The following GAP43 variants were observed in gnomAD, a reference collection of about 807,000 sequenced individuals.
GAP43 encodes neuromodulin.
A neutral mutation model predicts 18.6 loss-of-function variants in GAP43; 6 were observed. The ratio of observed to expected loss-of-function variants is 0.32; its 90% CI spans 0.18 to 0.64. GAP43 has a LOEUF of 0.64. Among genes scored for constraint, GAP43 ranks in the 30% least tolerant of loss-of-function variants. The probability of loss-of-function intolerance (pLI) is 0.78; values close to 1 mark genes in which losing one functional copy is unlikely to be tolerated. For missense variants in GAP43, 292 were observed against 295.5 expected, an observed-to-expected ratio of 0.99 and a Z score of 0.09; for synonymous variants, 115 against 111.4, an observed-to-expected ratio of 1.03 and a Z score of -0.20.
At chr3:115,708,940 GTTTTTTTT>G (rs3086974) in intron 2 of GAP43, among the ~76,000 whole-genome samples, 7 of 99,790 alleles carry the variant, frequency 7.0e-5, no homozygotes, top group African/African-American at 2.9e-4. Flanking sequence ...AACTGGCTGG[GTTTTTTTT>G]TTTTTTTTTT....
chr3:115,702,502 A>G (rs1360869363), intron 2 of GAP43, among the ~76,000 whole-genome samples: 1 of 152,140 alleles, frequency 6.6e-6, no homozygotes, highest in Non-Finnish European at 1.5e-5. Flanking sequence ...TGAAGCTAAG[A>G]AAAAGGAATA....
Position 115,681,386 on chromosome 3 carries a change from T to C in GAP43, c.628+4776T>C, listed in dbSNP as rs572936668. Reference sequence around the variant, plus strand: ...GTTCTTTCTCTCTATTAAGGTGTTATGTTTTGTCTCAGTTTCTGCATTTTC... The same window carrying C: ...GTTCTTTCTCTCTATTAAGGTGTTACGTTTTGTCTCAGTTTCTGCATTTTC... On this transcript the variant is annotated intron_variant, in intron 2 of 2. Transcript: ENST00000305124. Among the ~76,000 whole-genome samples, 9 of 152,342 alleles carry C rather than the reference T, an allele frequency of 5.9e-5. No homozygotes were observed. The East Asian group carries it at 1.2e-3, about 20-fold the overall frequency.
In GAP43 at chr3:115,658,250, G is replaced by GT. The variant is rs542456716; in HGVS notation, c.31-17754dup. Among the ~76,000 whole-genome samples, 47 of 151,120 alleles carry GT rather than the reference G, an allele frequency of 3.1e-4. No individual in the cohort carries two copies. In the South Asian group the frequency reaches 7.4e-3, roughly 24 times the overall value. The stretch of plus-strand genomic sequence containing the variant: ...GAGAGGGTTGAAGCAAACTTTTTTG[G>GT]TTTTTTTTTCCTAAGTAGGGCTGGT... On this transcript the variant is annotated intron_variant, in intron 1 of 2. Coordinates refer to ENST00000305124, the MANE Select transcript of GAP43 (RefSeq NM_002045.4).
intron 1 of GAP43, among the ~76,000 whole-genome samples, chr3:115,639,744 G>GA (rs1708374315): frequency 6.6e-6 from 1 of 152,028 alleles, no homozygotes; most frequent in African/African-American, 2.4e-5. Context: ...CAAACGGCCA[G>GA]AAAATCAATG....
chr3:115,689,410 G>A (rs1293002039), intron 2 of GAP43, among the ~76,000 whole-genome samples: 2 of 152,154 alleles, frequency 1.3e-5, no homozygotes, highest in Non-Finnish European at 2.9e-5. Context: ...AATATGGATT[G>A]CACCTATGGA....
At chr3:115,675,616 G>A (rs1430153556) in intron 1 of GAP43, among the ~76,000 whole-genome samples, 1 of 151,868 alleles carries the variant, frequency 6.6e-6, no homozygotes, top group Non-Finnish European at 1.5e-5. Flanking sequence ...AAACTTAGTC[G>A]AGTGTAGTGG....
intron 2 of GAP43, among the ~76,000 whole-genome samples, chr3:115,708,384 A>G (rs1709390663): frequency 6.6e-6 from 1 of 152,194 alleles, no homozygotes; most frequent in Non-Finnish European, 1.5e-5. Flanking sequence ...CACTGATATC[A>G]TTGGCTGGTC....
intron 1 of GAP43, among the ~76,000 whole-genome samples, chr3:115,670,423 A>G (rs1267237932): frequency 6.6e-6 from 1 of 151,976 alleles, no homozygotes; most frequent in African/African-American, 2.4e-5. Flanking sequence ...TTTTTAAAGG[A>G]CACTTTCTTC....
At chr3:115,704,051 G>C (rs1347153745) in intron 2 of GAP43, among the ~76,000 whole-genome samples, 1 of 152,056 alleles carries the variant, frequency 6.6e-6, no homozygotes. Context: ...AGGAAGCCAA[G>C]GCACACAATG....
intron 1 of GAP43, among the ~76,000 whole-genome samples, chr3:115,641,402 A>G (rs1454638285): frequency 6.6e-6 from 1 of 151,638 alleles, no homozygotes; most frequent in Non-Finnish European, 1.5e-5. Context: ...GTGTGTATAC[A>G]TACACACATA....
intron 1 of GAP43, among the ~76,000 whole-genome samples, chr3:115,655,476 T>A (rs1708569470): frequency 6.6e-6 from 1 of 152,216 alleles, no homozygotes; most frequent in South Asian, 2.1e-4. Context: ...GAATAGCTAT[T>A]GAACAGGTCT....
chr3:115,661,688 CTG>C (rs1306423085), intron 1 of GAP43, among the ~76,000 whole-genome samples: 1 of 152,040 alleles, frequency 6.6e-6, no homozygotes, highest in Non-Finnish European at 1.5e-5. Flanking sequence ...TGGGGTTTCA[CTG>C]TGTTAGCCAG....
At chr3:115,698,169 TATTAA>T (rs1446337614) in intron 2 of GAP43, among the ~76,000 whole-genome samples, 25 of 49,598 alleles carry the variant, frequency 5.0e-4, no homozygotes, top group African/African-American at 1.6e-3. Context: ...ATATAAAATA[TATTAA>T]ATAATATATA....
At chr3:115,677,291 T>A (rs559735305) in intron 2 of GAP43, among the ~76,000 whole-genome samples, 1 of 152,210 alleles carries the variant, frequency 6.6e-6, no homozygotes, top group Non-Finnish European at 1.5e-5. Flanking sequence ...ATACAGAATA[T>A]GTTGTGAAGT....
intron 2 of GAP43, among the ~76,000 whole-genome samples, chr3:115,679,543 G>A (rs1708934976): frequency 6.6e-6 from 1 of 152,182 alleles, no homozygotes; most frequent in Non-Finnish European, 1.5e-5. Flanking sequence ...AGGAAGAGGA[G>A]TGTTCAAAAC....
chr3:115,699,531 C>T (rs181844758), intron 2 of GAP43, among the ~76,000 whole-genome samples: 347 of 152,262 alleles, frequency 2.3e-3, no homozygotes, highest in African/African-American at 6.9e-3. Context: ...TATCAAACAC[C>T]CCCTCTCTTC....
At chr3:115,672,925 G>A (rs939063892) in intron 1 of GAP43, among the ~76,000 whole-genome samples, 12 of 152,066 alleles carry the variant, frequency 7.9e-5, no homozygotes, top group African/African-American at 1.2e-4. Flanking sequence ...AGCTACATGC[G>A]TGTGGAGTAC....
chr3:115,670,822 A>G (rs1708807904), intron 1 of GAP43, among the ~76,000 whole-genome samples: 1 of 152,236 alleles, frequency 6.6e-6, no homozygotes, highest in South Asian at 2.1e-4. Flanking sequence ...ATTTAAAAAA[A>G]CATTGCTTAG....
intron 1 of GAP43, among the ~76,000 whole-genome samples, chr3:115,638,106 T>C (rs1708353198): frequency 6.6e-6 from 1 of 152,064 alleles, no homozygotes; most frequent in Non-Finnish European, 1.5e-5. Context: ...TGCAATACTC[T>C]ACCCCTATAA....
Sources: allele counts gnomAD v4.1 joint callset (sites outside exome capture counted in the v4.1 genomes callset), GRCh38; gene constraint gnomAD v4.1.1; transcripts MANE v1.5; gene names NCBI Gene and HGNC (gene_info 2026-07-23, HGNC 2026-07-21).